Variants in ZNF790 observed in about 807,000 individuals in gnomAD.
The protein encoded by ZNF790 is zinc finger protein 790.
A neutral mutation model predicts 12.1 loss-of-function variants in ZNF790; 8 were observed. The ratio of observed to expected loss-of-function variants is 0.66; its 90% CI spans 0.39 to 1.19. The LOEUF (loss-of-function observed/expected upper bound fraction) is 1.19. ZNF790 is among the 50% of genes most tolerant of loss of function. The pLI is 0.01. For missense variants in ZNF790, 707 were observed against 752.2 expected (o/e 0.94, Z 0.70); for synonymous variants, 252 against 244.3 (o/e 1.03, Z -0.29).
intron 1 of ZNF790, among the ~76,000 whole-genome samples, chr19:36,835,464 G>A (rs950184720): frequency 1.3e-5 from 2 of 152,244 alleles, no homozygotes; most frequent in African/African-American, 4.8e-5. Flanking sequence ...TATTATTGGT[G>A]AAGTGGGGAC....
intron 1 of ZNF790, among the ~76,000 whole-genome samples, chr19:36,829,949 A>G (rs1175381582): frequency 6.6e-6 from 1 of 152,206 alleles, no homozygotes; most frequent in Non-Finnish European, 1.5e-5. Context: ...TTTTCAGAGT[A>G]TAAGTTTTAT....
chr19:36,826,018 C>G (rs2071789246), intron 1 of ZNF790, among the ~76,000 whole-genome samples: 1 of 152,196 alleles, frequency 6.6e-6, no homozygotes, highest in African/African-American at 2.4e-5. Context: ...GGGTCACTTG[C>G]TCAAATTCAC....
At chr19:36,836,461 A>C (rs1010276555) in intron 1 of ZNF790, among the ~76,000 whole-genome samples, 147 of 151,916 alleles carry the variant, frequency 9.7e-4, no homozygotes, top group Non-Finnish European at 1.4e-3. Flanking sequence ...CTAAAAAAAA[A>C]ACACACACAC....
intron 1 of ZNF790, chr19:36,837,602 T>C (rs929320296): frequency 1.3e-5 from 2 of 152,260 alleles, no homozygotes; most frequent in East Asian, 1.9e-4. Context: ...GCAGCGCGAT[T>C]ACCCTTTTCT....
rs747995547 is a variant in ZNF790 at position 36,838,129 on chromosome 19, TAC to T, written c.-74+206_-74+207del. 30 of 66,164 alleles carry T rather than the reference TAC, an allele frequency of 4.5e-4. No homozygotes were observed. The highest frequency in any genetic ancestry group is 8.8e-3 in the Middle Eastern group (1 of 114). The allele number at this position is 66,164 out of a possible 1,614,324, so 4.1% of individuals were successfully genotyped here. A position where few individuals can be genotyped will look rare whatever the true frequency, so the allele number is the denominator to read the frequency against. On this transcript the variant is annotated intron_variant, in intron 1 of 4. Transcript: ENST00000356725. The surrounding 1 kb of genome is among the most constrained non-coding windows in gnomAD (Gnocchi z 4.4). ...GCGCACACACACACACACACACACATACACACACACACACACAAGCTCCCGTC... is the reference window on the plus strand; with the variant it reads ...GCGCACACACACACACACACACACATACACACACACACACAAGCTCCCGTC...
intron 1 of ZNF790, among the ~76,000 whole-genome samples, chr19:36,849,314 C>A (rs183864746): frequency 2.0e-5 from 3 of 152,268 alleles, no homozygotes; most frequent in Admixed American, 1.3e-4. Flanking sequence ...ATTTCGGCAA[C>A]CTCTACCACC....
intron 1 of ZNF790, among the ~76,000 whole-genome samples, chr19:36,827,141 C>CACACATAT (rs1313807327): frequency 1.9e-4 from 16 of 84,446 alleles, no homozygotes; most frequent in African/African-American, 6.1e-4. Flanking sequence ...CACACACACA[C>CACACATAT]ATATATATAT....
intron 4 of ZNF790, among the ~76,000 whole-genome samples, chr19:36,821,670 G>A (rs1015053879): frequency 2.6e-5 from 4 of 151,958 alleles, no homozygotes; most frequent in Non-Finnish European, 2.9e-5. Flanking sequence ...TGCAACCTCC[G>A]CCTCCTGGGT....
At chr19:36,830,668 A>T (rs182310475) in intron 1 of ZNF790, among the ~76,000 whole-genome samples, 72 of 152,268 alleles carry the variant, frequency 4.7e-4, no homozygotes, top group African/African-American at 1.0e-3. Context: ...ACCAAATTTT[A>T]AAAAAATTGT....
chr19:36,844,865 G>A (rs1177617584), intron 1 of ZNF790, among the ~76,000 whole-genome samples: 1 of 150,296 alleles, frequency 6.7e-6, no homozygotes, highest in Non-Finnish European at 1.5e-5. Flanking sequence ...CGGCTAAAAC[G>A]GTGAAACCCC....
At position 36,823,651 on chromosome 19, in the gene ZNF790, A is replaced by G. The variant is rs1186852909; in HGVS notation, c.133+16T>C. 2.5e-6 allele frequency: 4 copies of G among 1,596,868 alleles called. No homozygotes were observed. Among genetic ancestry groups the G allele is most frequent in the Non-Finnish European group, 3.4e-6 (4 of 1,176,212 alleles). Reference sequence around the variant, plus strand: ...TACAGAAAGCAGGAATTTCTAAGGAAAATGCTGAATCTTACCCAGTGAGAC... The same window carrying G: ...TACAGAAAGCAGGAATTTCTAAGGAGAATGCTGAATCTTACCCAGTGAGAC... On this transcript the variant is annotated intron_variant, in intron 3 of 4. Transcript: ENST00000356725.
rs761966853 is a variant in ZNF790 at position 36,819,304 on chromosome 19, A to G, written c.1040T>C (p.Phe347Ser). ...CTGAGTTAGGTGTGATCCACGAGTA[A>G]AAGCTTTCCCACACTCCTTACATTC... ...PYECKECGKA[F>S]TRGSHLTQHQ... The change falls in exon 5 of 5, where the codon TTT becomes TCT. Residue 347 changes from phenylalanine to serine, a missense_variant. Coordinates refer to ENST00000356725, the MANE Select transcript of ZNF790 (RefSeq NM_206894.4). 9 of 1,610,992 alleles carry G rather than the reference A, an allele frequency of 5.6e-6. No individual in the cohort carries two copies. Among genetic ancestry groups the G allele is most frequent in the Non-Finnish European group, 5.9e-6 (7 of 1,178,192 alleles).
chr19:36,825,674 G>T lies in ZNF790; in HGVS notation c.-55C>A. The stretch of plus-strand genomic sequence containing the variant: ...CTCTGGATTCTTTCTTGGTGAGGCA[G>T]CGTGCTGGGAAAGCAGAGCTAGAAG... On this transcript the variant is annotated 5_prime_UTR_variant, in exon 2 of 5. In the 5' UTR this introduces an upstream ATG that the reference lacks. Coordinates refer to ENST00000356725, the MANE Select transcript of ZNF790 (RefSeq NM_206894.4). 6.2e-7 allele frequency: 1 copy of T among 1,600,206 alleles called. No individual in the cohort carries two copies. Among genetic ancestry groups the T allele is most frequent in the Non-Finnish European group, 8.6e-7 (1 of 1,167,246 alleles).
intron 1 of ZNF790, among the ~76,000 whole-genome samples, chr19:36,836,340 C>G (rs1162861387): frequency 6.6e-6 from 1 of 152,104 alleles, no homozygotes; most frequent in African/African-American, 2.4e-5. Context: ...ATTTTGTCTG[C>G]TTTTATCAGC....
At chr19:36,834,244 A>G (rs904582394) in intron 1 of ZNF790, among the ~76,000 whole-genome samples, 1 of 118,252 alleles carries the variant, frequency 8.5e-6, no homozygotes, top group Non-Finnish European at 1.6e-5. Context: ...ACTCCATCTC[A>G]AAAAAAAAAA....
intron 1 of ZNF790, among the ~76,000 whole-genome samples, chr19:36,826,789 G>A (rs940524791): frequency 6.6e-6 from 1 of 150,822 alleles, no homozygotes; most frequent in African/African-American, 2.4e-5. Flanking sequence ...AGGTAATCAT[G>A]GTTATGAAAG....
Position 36,825,591 on chromosome 19 carries a change from G to A in ZNF790, c.9+20C>T. On this transcript the variant is annotated intron_variant, in intron 2 of 4. Transcript: ENST00000356725. ...GATATAAATGGGTTATATTTTTGGA[G>A]AGAGGCAATTCCAACTCACATGGGC... The A allele has an allele frequency of 5.6e-6, 9 of 1,613,182 alleles. No individual in the cohort carries two copies. Among genetic ancestry groups the A allele is most frequent in the Non-Finnish European group, 7.6e-6 (9 of 1,179,160 alleles).
chr19:36,850,480 T>G (rs1234307637), upstream of ZNF790: 1 of 152,198 alleles, frequency 6.6e-6, no homozygotes, highest in Non-Finnish European at 1.5e-5. Flanking sequence ...ACGGGCTGGG[T>G]GAAGGAGTTA....
rs1031581168 is a variant in ZNF790 at position 36,825,643 on chromosome 19, G to T, written c.-24C>A. 1.9e-6 allele frequency: 3 copies of T among 1,614,000 alleles called. No homozygotes were observed. Among genetic ancestry groups the T allele is most frequent in the Non-Finnish European group, 2.5e-6 (3 of 1,179,876 alleles). ...ATGACTTAACATTCCAAGTCCACCA[G>T]TCCTTCTCTGGATTCTTTCTTGGTG... On this transcript the variant is annotated 5_prime_UTR_variant, in exon 2 of 5. It adds an upstream start codon to the 5' untranslated region. Coordinates refer to ENST00000356725, the MANE Select transcript of ZNF790 (RefSeq NM_206894.4).
Sources: gnomAD v4.1 joint callset for allele counts (sites outside exome capture counted in the v4.1 genomes callset) on GRCh38, gnomAD v4.1.1 for gene constraint, Gnocchi (gnomAD v3.1) non-coding constraint, MANE v1.5 for transcripts, NCBI Gene and HGNC (gene_info 2026-07-23, HGNC 2026-07-21) for gene names.